GPC6: variants seen among roughly 807,000 people sequenced by gnomAD.
GPC6 encodes glypican-6.
In GPC6, 14 loss-of-function variants were observed where a neutral mutation model predicts 55.2. That is an observed-to-expected ratio of 0.25 (90% CI 0.17 to 0.40). The LOEUF (loss-of-function observed/expected upper bound fraction) is 0.40. Ranked by LOEUF, GPC6 falls within the 10% of genes least tolerant of loss-of-function variation. GPC6 has a pLI of 1.00. For synonymous variants in GPC6, 278 were observed against 259.6 expected, an observed-to-expected ratio of 1.07 and a Z score of -0.68; for missense variants, 641 against 708.5, an observed-to-expected ratio of 0.90 and a Z score of 1.08.
chr13:93,445,024 T>C (rs1227163219), intron 1 of GPC6, among the ~76,000 whole-genome samples: 1 of 152,212 alleles, frequency 6.6e-6, no homozygotes, highest in East Asian at 1.9e-4. Context: ...TATTATAAGC[T>C]ACACCAACTC....
intron 2 of GPC6, among the ~76,000 whole-genome samples, chr13:93,615,312 C>A (rs773997439): frequency 6.6e-6 from 1 of 152,104 alleles, no homozygotes; most frequent in Non-Finnish European, 1.5e-5. Context: ...GTCAGTGTCT[C>A]TTCCTGTTAT....
rs1296112062 is a variant in GPC6 at position 93,789,632 on chromosome 13, T to TATATAATACTAC, written c.320-40517_320-40516insATACTACATATA. On this transcript the variant is annotated intron_variant, in intron 2 of 8. Transcript: ENST00000377047. The stretch of plus-strand genomic sequence containing the variant: ...ATATATATATATATATATATATATA[T>TATATAATACTAC]ATATATATATATAGTATTCGGTTAA... Among the ~76,000 whole-genome samples the TATATAATACTAC allele has an allele frequency of 3.9e-5, 4 of 101,606 alleles. 1 individual carries two copies. Among genetic ancestry groups the TATATAATACTAC allele is most frequent in the Non-Finnish European group, 8.2e-5 (4 of 48,906 alleles). The allele number at this position is 101,606 out of a possible 152,430, so 66.7% of individuals were successfully genotyped here. A position where few individuals can be genotyped will look rare whatever the true frequency, so the allele number is the denominator to read the frequency against.
At chr13:93,328,935 C>G (rs1341367389) in intron 1 of GPC6, among the ~76,000 whole-genome samples, 1 of 152,052 alleles carries the variant, frequency 6.6e-6, no homozygotes, top group African/African-American at 2.4e-5. Flanking sequence ...CCTGTCAGTT[C>G]AAGTCGTCAG....
intron 3 of GPC6, among the ~76,000 whole-genome samples, chr13:93,886,155 A>G (rs1188661757): frequency 3.9e-5 from 6 of 152,126 alleles, no homozygotes; most frequent in African/African-American, 1.2e-4. Flanking sequence ...AGTATTCACA[A>G]CTGTCATTAT....
At chr13:93,297,663 C>A (rs1395195136) in intron 1 of GPC6, among the ~76,000 whole-genome samples, 4 of 151,886 alleles carry the variant, frequency 2.6e-5, no homozygotes, top group Admixed American at 2.6e-4. Context: ...TGATTTTCCC[C>A]ACCCTCCCCC....
intron 2 of GPC6, among the ~76,000 whole-genome samples, chr13:93,622,430 C>T (rs948167157): frequency 6.6e-6 from 1 of 151,920 alleles, no homozygotes; most frequent in Non-Finnish European, 1.5e-5. Flanking sequence ...TAAAACACCA[C>T]GTGTGTAAGT....
intron 1 of GPC6, among the ~76,000 whole-genome samples, chr13:93,506,280 G>A (rs567587871): frequency 2.0e-5 from 3 of 152,214 alleles, no homozygotes; most frequent in East Asian, 1.9e-4. Context: ...ATTTGAGGGG[G>A]GCTGTGTACT....
chr13:93,766,930 A>G (rs1363988961), intron 2 of GPC6, among the ~76,000 whole-genome samples: 1 of 152,150 alleles, frequency 6.6e-6, no homozygotes, highest in Non-Finnish European at 1.5e-5. Flanking sequence ...CTGAGTGGAC[A>G]TTCCTAATGG....
chr13:94,278,140 G>A (rs554563264), intron 4 of GPC6, among the ~76,000 whole-genome samples: 30 of 152,178 alleles, frequency 2.0e-4, no homozygotes, highest in African/African-American at 6.5e-4. Context: ...TCTCCTTGAC[G>A]CGGTCCTTCA....
intron 1 of GPC6, among the ~76,000 whole-genome samples, chr13:93,426,469 G>A (rs943489325): frequency 2.1e-4 from 16 of 75,654 alleles, no homozygotes; most frequent in African/African-American, 5.4e-4. Context: ...TCCCACCTAT[G>A]AGTGAGAATA....
chr13:93,587,052 G>T (rs568582128), intron 2 of GPC6, among the ~76,000 whole-genome samples: 2 of 152,140 alleles, frequency 1.3e-5, no homozygotes, highest in Admixed American at 6.5e-5. Flanking sequence ...GTAGGAGGTT[G>T]CATGTACTTA....
chr13:94,070,803 G>A (rs1017106405), intron 4 of GPC6, among the ~76,000 whole-genome samples: 2 of 152,190 alleles, frequency 1.3e-5, no homozygotes, highest in African/African-American at 4.8e-5. Context: ...CACCTTTTCT[G>A]GGTGATTCTG....
At chr13:93,466,441 G>C (rs950570525) in intron 1 of GPC6, among the ~76,000 whole-genome samples, 6 of 152,148 alleles carry the variant, frequency 3.9e-5, no homozygotes, top group Non-Finnish European at 7.4e-5. Context: ...CTGTTAAAGA[G>C]TTACATTTCT....
chr13:93,821,307 C>T (rs879485293), intron 2 of GPC6, among the ~76,000 whole-genome samples: 11 of 152,166 alleles, frequency 7.2e-5, no homozygotes, highest in African/African-American at 2.2e-4. Flanking sequence ...TACGGTATTT[C>T]GTAAAGTATG....
chr13:93,419,994 G>T lies in GPC6; in HGVS notation c.161-125269G>T, dbSNP rs561234125. Among the ~76,000 whole-genome samples, 11 of 152,142 alleles carry T rather than the reference G, an allele frequency of 7.2e-5. 1 individual carries two copies. The highest frequency in any genetic ancestry group is 2.7e-4 in the African/African-American group (11 of 41,504). On this transcript the variant is annotated intron_variant, in intron 1 of 8. Transcript: ENST00000377047. The stretch of plus-strand genomic sequence containing the variant: ...GCTGAATAGGAGAATAAAGGTAACA[G>T]GCTCATTGCATAATATCTAATAATA...
chr13:94,232,970 A>G (rs1315503348), intron 4 of GPC6, among the ~76,000 whole-genome samples: 3 of 146,260 alleles, frequency 2.1e-5, no homozygotes, highest in Non-Finnish European at 4.5e-5. Flanking sequence ...AATTCACAAT[A>G]GTTCAGGTTT....
chr13:93,628,241 T>C (rs1879288350), intron 2 of GPC6, among the ~76,000 whole-genome samples: 2 of 152,204 alleles, frequency 1.3e-5, no homozygotes, highest in Non-Finnish European at 2.9e-5. Context: ...GTCCATTCTC[T>C]CCAGATGCAT....
chr13:93,762,216 G>T (rs182276768), intron 2 of GPC6, among the ~76,000 whole-genome samples: 48 of 152,252 alleles, frequency 3.2e-4, no homozygotes, highest in Non-Finnish European at 5.9e-4. Flanking sequence ...AAAACAGAAT[G>T]CTATTATCAT....
At chr13:93,414,552 G>A (rs1876626194) in intron 1 of GPC6, among the ~76,000 whole-genome samples, 1 of 152,048 alleles carries the variant, frequency 6.6e-6, no homozygotes, top group Non-Finnish European at 1.5e-5. Context: ...GCACACTGTG[G>A]GTGTTGAGGA....
Sources: allele counts gnomAD v4.1 joint callset (sites outside exome capture counted in the v4.1 genomes callset), GRCh38; gene constraint gnomAD v4.1.1; transcripts MANE v1.5; gene names NCBI Gene and HGNC (gene_info 2026-07-23, HGNC 2026-07-21).